PLEKHM3: variants seen among roughly 807,000 people sequenced by gnomAD.
PLEKHM3 encodes the protein pleckstrin homology domain-containing family M member 3.
In PLEKHM3, 45 loss-of-function variants were observed where a neutral mutation model predicts 81.8. The observed-to-expected ratio is 0.55, with a 90% CI of 0.43 to 0.71. The LOEUF is 0.71. Ranked by LOEUF, PLEKHM3 falls within the 30% of genes least tolerant of loss-of-function variation. The pLI, the probability that PLEKHM3 is intolerant of heterozygous loss-of-function variation, is 0.00. For missense variants in PLEKHM3, 788 were observed against 924.3 expected, an observed-to-expected ratio of 0.85 and a Z score of 1.91; for synonymous variants, 352 against 356.4, an observed-to-expected ratio of 0.99 and a Z score of 0.14.
At chr2:207,934,209 C>T (rs1689676782) in intron 4 of PLEKHM3, among the ~76,000 whole-genome samples, 1 of 152,160 alleles carries the variant, frequency 6.6e-6, no homozygotes, top group African/African-American at 2.4e-5. Flanking sequence ...TATGTGAACA[C>T]TGACTATGTT....
At chr2:207,995,582 G>A (rs1048387449) in intron 2 of PLEKHM3, among the ~76,000 whole-genome samples, 76 of 152,138 alleles carry the variant, frequency 5.0e-4, no homozygotes, top group Non-Finnish European at 2.1e-4. Flanking sequence ...ATTTGAACAA[G>A]TTACTTATGC....
In PLEKHM3 at chr2:207,823,539, G is replaced by C. The variant is rs1020808994; in HGVS notation, c.*4780C>G. 1 of 152,272 alleles carries C rather than the reference G, an allele frequency of 6.6e-6. No homozygotes were observed. Among genetic ancestry groups the C allele is most frequent in the African/African-American group, 2.4e-5 (1 of 41,456 alleles). The allele number at this position is 152,272 out of a possible 1,614,324, so 9.4% of individuals were successfully genotyped here. On this transcript the variant is annotated 3_prime_UTR_variant, in exon 8 of 8. Coordinates refer to ENST00000427836, the MANE Select transcript of PLEKHM3 (RefSeq NM_001080475.3). ...GCTGGCCTCAAACTCCTGACCTCAA[G>C]TGATTCACCCACCTCGGCCTTCAAA...
At chr2:208,017,178 G>A (rs1692950694) in intron 1 of PLEKHM3, among the ~76,000 whole-genome samples, 1 of 152,174 alleles carries the variant, frequency 6.6e-6, no homozygotes, top group Admixed American at 6.5e-5. Flanking sequence ...TCCCACAGAT[G>A]TAGAGGGCCA....
At chr2:207,862,464 C>T (rs1472994443) in intron 6 of PLEKHM3, among the ~76,000 whole-genome samples, 4 of 152,106 alleles carry the variant, frequency 2.6e-5, no homozygotes, top group Non-Finnish European at 4.4e-5. Flanking sequence ...TAGCAAAACC[C>T]TGTCTCTACT....
chr2:207,857,438 G>A (rs2092442513), intron 7 of PLEKHM3, among the ~76,000 whole-genome samples: 2 of 152,102 alleles, frequency 1.3e-5, no homozygotes, highest in African/African-American at 4.8e-5. Flanking sequence ...AAGGTAGTGA[G>A]TGAAAGTTTG....
At chr2:208,002,342 T>C (rs1395804900) in intron 1 of PLEKHM3, among the ~76,000 whole-genome samples, 1 of 152,238 alleles carries the variant, frequency 6.6e-6, no homozygotes, top group Non-Finnish European at 1.5e-5. Context: ...CATAAATGCT[T>C]GAGTCCTTTC....
chr2:207,898,819 T>C (rs1688328830), intron 6 of PLEKHM3, among the ~76,000 whole-genome samples: 1 of 152,018 alleles, frequency 6.6e-6, no homozygotes, highest in Non-Finnish European at 1.5e-5. Context: ...TTGCTCGGGC[T>C]CAGGAGGTCA....
At chr2:207,887,461 G>C (rs901634220) in intron 6 of PLEKHM3, among the ~76,000 whole-genome samples, 1 of 152,084 alleles carries the variant, frequency 6.6e-6, no homozygotes, top group Non-Finnish European at 1.5e-5. Context: ...GGTAAACAAG[G>C]CTGCCCAAAT....
chr2:207,868,611 C>T (rs1207785156), intron 6 of PLEKHM3: 2 of 152,206 alleles, frequency 1.3e-5, no homozygotes, highest in African/African-American at 4.8e-5. Flanking sequence ...AGATTTAATA[C>T]ATTGAAAGCA....
intron 5 of PLEKHM3, among the ~76,000 whole-genome samples, chr2:207,910,462 C>T (rs1688775903): frequency 6.6e-6 from 1 of 152,134 alleles, no homozygotes; most frequent in Non-Finnish European, 1.5e-5. Flanking sequence ...CACAATAGCC[C>T]TGGATGGTAA....
intron 2 of PLEKHM3, among the ~76,000 whole-genome samples, chr2:207,992,106 G>T (rs1691918567): frequency 6.6e-6 from 1 of 152,206 alleles, no homozygotes; most frequent in South Asian, 2.1e-4. Flanking sequence ...CCAACCTCCA[G>T]ACTTTAAATC....
intron 7 of PLEKHM3, among the ~76,000 whole-genome samples, chr2:207,834,030 A>C (rs2092303331): frequency 6.6e-6 from 1 of 152,146 alleles, no homozygotes; most frequent in South Asian, 2.1e-4. Flanking sequence ...CACCAACCTA[A>C]ATGGAAATCA....
chr2:208,004,928 C>T (rs897235188), intron 1 of PLEKHM3, among the ~76,000 whole-genome samples: 6 of 152,098 alleles, frequency 3.9e-5, no homozygotes, highest in East Asian at 3.9e-4. Flanking sequence ...GGCGTTCAAG[C>T]GATTCTCCTG....
chr2:207,846,637 C>T (rs537236988), intron 7 of PLEKHM3, among the ~76,000 whole-genome samples: 3 of 151,654 alleles, frequency 2.0e-5, no homozygotes, highest in East Asian at 2.0e-4. Context: ...GTGAGAGGAT[C>T]GTTTGAGCCT....
chr2:207,981,530 A>G (rs2106043855), intron 2 of PLEKHM3, among the ~76,000 whole-genome samples: 1 of 152,216 alleles, frequency 6.6e-6, no homozygotes, highest in East Asian at 1.9e-4. Flanking sequence ...ATTTCTTTGT[A>G]GAGAAGGAAT....
intron 3 of PLEKHM3, among the ~76,000 whole-genome samples, chr2:207,947,407 T>A (rs1422922761): frequency 6.6e-6 from 1 of 152,210 alleles, no homozygotes; most frequent in Non-Finnish European, 1.5e-5. Context: ...CTGGTAATAA[T>A]CATAGCCCTT....
At chr2:208,002,757 C>G (rs1017741455) in intron 1 of PLEKHM3, among the ~76,000 whole-genome samples, 2 of 152,092 alleles carry the variant, frequency 1.3e-5, no homozygotes, top group Admixed American at 1.3e-4. Flanking sequence ...CAAGACCAGG[C>G]CAAATTAGAG....
intron 3 of PLEKHM3, among the ~76,000 whole-genome samples, chr2:207,975,012 T>G (rs1401574607): frequency 6.6e-6 from 1 of 152,076 alleles, no homozygotes; most frequent in Non-Finnish European, 1.5e-5. Context: ...GTATTTTTAG[T>G]AGAGACGGGG....
intron 6 of PLEKHM3, among the ~76,000 whole-genome samples, chr2:207,907,440 T>C (rs1574393910): frequency 6.6e-6 from 1 of 151,382 alleles, no homozygotes; most frequent in Non-Finnish European, 1.5e-5. Context: ...AGGCAGAGGG[T>C]GCAGCGAGCC....
Sources: gnomAD v4.1 joint callset for allele counts (sites outside exome capture counted in the v4.1 genomes callset) on GRCh38, gnomAD v4.1.1 for gene constraint, MANE v1.5 for transcripts, NCBI Gene and HGNC (gene_info 2026-07-23, HGNC 2026-07-21) for gene names.